SLC25A40: variants seen among roughly 807,000 people sequenced by gnomAD.
SLC25A40 encodes solute carrier family 25 member 40.
A neutral mutation model predicts 46.5 loss-of-function variants in SLC25A40; 41 were observed. The ratio of observed to expected loss-of-function variants is 0.88; its 90% CI spans 0.69 to 1.14. SLC25A40 has a LOEUF of 1.14. SLC25A40 is among the 50% of genes most tolerant of loss of function. The pLI is 0.00. For synonymous variants in SLC25A40, 126 were observed against 127.5 expected (o/e 0.99, Z 0.08); for missense variants, 386 against 393.6 (o/e 0.98, Z 0.16).
chr7:87,843,384 G>A (rs1838364503), intron 9 of SLC25A40, among the ~76,000 whole-genome samples: 1 of 152,034 alleles, frequency 6.6e-6, no homozygotes, highest in Non-Finnish European at 1.5e-5. Context: ...ATCAGCAGCA[G>A]AGGCTAGAAG....
chr7:87,864,307 T>C (rs1212252865), intron 1 of SLC25A40, among the ~76,000 whole-genome samples: 1 of 152,260 alleles, frequency 6.6e-6, no homozygotes, highest in African/African-American at 2.4e-5. Context: ...ATCAGTGTAC[T>C]TGGGATATCC....
rs542153689 is a variant in SLC25A40, at chr7:87,836,266, G to C, written c.1000C>G (p.Arg334Gly). 2.5e-6 allele frequency: 4 copies of C among 1,584,274 alleles called. No individual in the cohort carries two copies. Among genetic ancestry groups the C allele is most frequent in the African/African-American group, 1.4e-5 (1 of 72,780 alleles). ...GKAFFQKQNV[R>G]RQQY ...CAGCATCACTAGTATTGCTGCCTTC[G>C]AACATTTTGTTTCTGGAAAAAAGCC... Residue 334 changes from arginine (R) to glycine (G), a missense_variant, in exon 12 of 12, where the codon CGA (arginine) becomes GGA (glycine). Transcript: ENST00000341119.
chr7:87,861,207 A>G (rs1012639455), intron 1 of SLC25A40, among the ~76,000 whole-genome samples: 16 of 152,154 alleles, frequency 1.1e-4, no homozygotes, highest in South Asian at 4.1e-4. Context: ...CAAAGGTGGG[A>G]AAAAAACGTG....
At chr7:87,852,950 G>T (rs1204857761) in intron 5 of SLC25A40, among the ~76,000 whole-genome samples, 1 of 152,110 alleles carries the variant, frequency 6.6e-6, no homozygotes, top group Non-Finnish European at 1.5e-5. Context: ...TCTTAGCCTT[G>T]ATACCAAAAG....
rs192329144 is a variant in SLC25A40, at chr7:87,870,695, T to C, written c.-94+5401A>G. 1.5e-3 allele frequency among the ~76,000 whole-genome samples: 227 copies of C among 152,298 alleles called. 1 individual carries two copies. The highest frequency in any genetic ancestry group is 0.01 in the Middle Eastern group (3 of 294). On this transcript the variant is annotated intron_variant, in intron 1 of 11. Coordinates refer to ENST00000341119, the MANE Select transcript of SLC25A40 (RefSeq NM_018843.4). ...AGAGAAGCAGCTTACTTCAGAGTGA[T>C]GGCTTGATGGTGTAACTTTGGAGAT...
chr7:87,848,151 TACTTA>T (rs1838450546), intron 6 of SLC25A40, among the ~76,000 whole-genome samples, 174 bp from the exon 7 acceptor site: 4 of 152,264 alleles, frequency 2.6e-5, no homozygotes, highest in Admixed American at 2.6e-4. Context: ...AAATGATTAG[TACTTA>T]ACTTAGTAGG....
intron 1 of SLC25A40, among the ~76,000 whole-genome samples, chr7:87,873,470 T>C (rs1319088683): frequency 6.7e-6 from 1 of 149,830 alleles, no homozygotes; most frequent in South Asian, 2.1e-4. Flanking sequence ...TCTCGCTCTG[T>C]TGCCCACGCT....
chr7:87,865,402 G>C (rs1838776599), intron 1 of SLC25A40, among the ~76,000 whole-genome samples: 1 of 152,204 alleles, frequency 6.6e-6, no homozygotes, highest in East Asian at 1.9e-4. Context: ...AGCTATCACA[G>C]TTTTTAACAG....
At chr7:87,844,783 C>CT (rs976306674) in intron 8 of SLC25A40, among the ~76,000 whole-genome samples, 1 of 150,014 alleles carries the variant, frequency 6.7e-6, no homozygotes, top group African/African-American at 2.4e-5. Flanking sequence ...TTAAAAATAG[C>CT]TACTAAAAGC....
rs1227139705 is a variant in SLC25A40 at position 87,847,027 on chromosome 7, T to G, written c.553A>C (p.Lys185Gln). The change falls in exon 8 of 12, where the codon AAG (lysine) becomes CAG (glutamine). Residue 185 changes from lysine (K) to glutamine (Q), a missense_variant. Coordinates refer to ENST00000341119, the MANE Select transcript of SLC25A40 (RefSeq NM_018843.4). ...SYVELHRFVS[K>Q]KVSEDGWISL... ...ATCCAACCATCTTCAGATACTTTCT[T>G]GCTGACAAATCGATGCAGTTCCACG... 6.2e-7 allele frequency: 1 copy of G among 1,613,774 alleles called. No homozygotes were observed. Among genetic ancestry groups the G allele is most frequent in the Non-Finnish European group, 8.5e-7 (1 of 1,179,874 alleles).
At chr7:87,875,889 T>C (rs1404703568) in intron 1 of SLC25A40, among the ~76,000 whole-genome samples, 2 of 152,152 alleles carry the variant, frequency 1.3e-5, no homozygotes, top group African/African-American at 2.4e-5. Context: ...TCTGCAGCTG[T>C]CCTCAGCCGG....
intron 1 of SLC25A40, among the ~76,000 whole-genome samples, chr7:87,866,859 C>T (rs1482354028): frequency 6.6e-6 from 1 of 152,266 alleles, no homozygotes; most frequent in African/African-American, 2.4e-5. Context: ...TAATCCTTTT[C>T]CTCATCCCTT....
chr7:87,836,408 T>C, intron 11 of SLC25A40, 47 bp from the exon 12 acceptor site: 1 of 1,197,104 alleles, frequency 8.4e-7, no homozygotes, highest in Non-Finnish European at 1.1e-6. Context: ...TTTTCTTACC[T>C]TATTTTTAAA....
intron 1 of SLC25A40, among the ~76,000 whole-genome samples, chr7:87,875,477 G>A (rs1329664699): frequency 6.6e-6 from 1 of 151,906 alleles, no homozygotes; most frequent in East Asian, 1.9e-4. Flanking sequence ...CACTACAGGA[G>A]TGCCTATTAT....
chr7:87,846,876 A>T, intron 8 of SLC25A40, 73 bp downstream of exon 8: 1 of 1,290,636 alleles, frequency 7.7e-7, no homozygotes, highest in East Asian at 2.4e-5. Flanking sequence ...AGAGTTAAAA[A>T]TCTAGTGACA....
chr7:87,873,429 CTTT>C (rs573186397), intron 1 of SLC25A40, among the ~76,000 whole-genome samples: 5 of 125,674 alleles, frequency 4.0e-5, no homozygotes, highest in Non-Finnish European at 4.9e-5. Context: ...GAAAGGTTAA[CTTT>C]TTTTTTTTTT....
intron 5 of SLC25A40, among the ~76,000 whole-genome samples, chr7:87,851,475 AC>A (rs1388338280): frequency 6.6e-6 from 1 of 152,092 alleles, no homozygotes; most frequent in African/African-American, 2.4e-5. Context: ...CTAGACTTCC[AC>A]CAATGTAAGG....
intron 1 of SLC25A40, among the ~76,000 whole-genome samples, chr7:87,871,412 T>C (rs1417329567): frequency 1.3e-5 from 2 of 152,224 alleles, no homozygotes; most frequent in African/African-American, 2.4e-5. Flanking sequence ...TTGAGATAAA[T>C]GCAACCTCAG....
Position 87,849,927 on chromosome 7 carries a change from G to T in SLC25A40, c.286C>A (p.Arg96=), listed in dbSNP as rs141783872. The change falls in exon 6 of 12, where the codon CGA becomes AGA. Residue 96 remains arginine (R), a synonymous_variant. Transcript: ENST00000341119. ...GTLDAFFKII[R]NEGIKSLWSG... ...CATAGAGATTTAATGCCCTCATTTC[G>T]AATGATTTTAAAAAATGCATCCTAA... is the stretch of plus-strand genomic sequence containing the variant. 3.4e-5 allele frequency: 55 copies of T among 1,598,210 alleles called. No homozygotes were observed. The South Asian group carries it at 5.7e-4, about 17-fold the overall frequency.
Sources: allele counts gnomAD v4.1 joint callset (sites outside exome capture counted in the v4.1 genomes callset), GRCh38; gene constraint gnomAD v4.1.1; transcripts MANE v1.5; gene names NCBI Gene and HGNC (gene_info 2026-07-23, HGNC 2026-07-21).